TFEC: variants seen among roughly 807,000 people sequenced by gnomAD.
TFEC encodes class E basic helix-loop-helix protein 34.
Under a neutral mutation model 41.6 loss-of-function variants are expected in TFEC, and 31 were observed. The observed-to-expected ratio is 0.74, with a 90% CI of 0.56 to 1.01. TFEC has a LOEUF of 1.01. Ranked by LOEUF, TFEC falls within the 50% of genes least tolerant of loss-of-function variation. TFEC has a pLI of 0.00. For missense variants in TFEC, 402 were observed against 404.1 expected, an observed-to-expected ratio of 0.99 and a Z score of 0.04; for synonymous variants, 143 against 140.6, an observed-to-expected ratio of 1.02 and a Z score of -0.12.
chr7:116,044,008 T>G (rs920070814), intron 3 of TFEC, among the ~76,000 whole-genome samples: 3 of 152,226 alleles, frequency 2.0e-5, no homozygotes, highest in Admixed American at 2.0e-4. Flanking sequence ...TCAGCTGCCA[T>G]GTAATTCTTA....
At chr7:116,034,583 G>T (rs1167788021), upstream of TFEC, among the ~76,000 whole-genome samples, 1 of 151,624 alleles carries the variant, frequency 6.6e-6, no homozygotes, top group African/African-American at 2.4e-5. Flanking sequence ...GCTATTATCT[G>T]AGTCAAAGCT....
In TFEC at chr7:116,146,043, G is replaced by A. The variant is rs557203826; in HGVS notation, c.-69+13747C>T. ...AATTCTGTTTCCAGCAATAATGGAAGACAAGTAATTAAGTGAAAAACCTAC... is the reference window on the plus strand; with the variant it reads ...AATTCTGTTTCCAGCAATAATGGAAAACAAGTAATTAAGTGAAAAACCTAC... On this transcript the variant is annotated intron_variant, in intron 1 of 8. Coordinates refer to the TFEC transcript ENST00000484212. Among the ~76,000 whole-genome samples, 7 of 152,302 alleles carry A rather than the reference G, an allele frequency of 4.6e-5. No individual in the cohort carries two copies. In the South Asian group the frequency reaches 1.5e-3, roughly 32 times the overall value.
chr7:115,984,168 A>C (rs1793746247), intron 2 of TFEC, 94 bp downstream of exon 2: 2 of 1,448,930 alleles, frequency 1.4e-6, no homozygotes. Context: ...ATTTGCAATC[A>C]GAATGTTTAC....
intron 3 of TFEC, among the ~76,000 whole-genome samples, chr7:115,971,372 GA>G (rs374338566): frequency 0.028 from 4,091 of 146,918 alleles, 70 homozygotes; most frequent in Non-Finnish European, 0.039. Flanking sequence ...ATAAAATAAA[GA>G]AAAAAAAAAC....
chr7:115,979,394 C>T (rs1793525860), intron 2 of TFEC, among the ~76,000 whole-genome samples: 1 of 152,006 alleles, frequency 6.6e-6, no homozygotes, highest in Non-Finnish European at 1.5e-5. Context: ...TGGCTAAATG[C>T]CCTACTAGTC....
intron 6 of TFEC, among the ~76,000 whole-genome samples, chr7:115,950,393 G>C (rs912646044): frequency 6.6e-6 from 1 of 152,082 alleles, no homozygotes; most frequent in Non-Finnish European, 1.5e-5. Flanking sequence ...TGTGCATACA[G>C]CACAAAGCCT....
intron 1 of TFEC, among the ~76,000 whole-genome samples, chr7:116,147,737 C>T (rs1193916388): frequency 6.6e-6 from 1 of 152,104 alleles, no homozygotes; most frequent in Non-Finnish European, 1.5e-5. Context: ...GTAATAACTT[C>T]AAAGTACTAA....
chr7:116,123,033 G>GA (rs1239426661), intron 1 of TFEC, among the ~76,000 whole-genome samples: 2 of 151,432 alleles, frequency 1.3e-5, no homozygotes, highest in Non-Finnish European at 1.5e-5. Flanking sequence ...AAATCAAAAA[G>GA]AAAAAAACAG....
At chr7:116,121,762 G>T (rs936729998) in intron 1 of TFEC, among the ~76,000 whole-genome samples, 14 of 151,956 alleles carry the variant, frequency 9.2e-5, no homozygotes, top group Non-Finnish European at 1.5e-4. Flanking sequence ...AGGGAAATAA[G>T]GTAAAAGAAA....
chr7:115,956,739 T>C lies in TFEC; in HGVS notation c.322A>G (p.Asn108Asp). Reference protein sequence around the residue: ...YSGEQGISPINMGLTSASCPS... With the variant: ...YSGEQGISPIDMGLTSASCPS... Reference sequence around the variant, plus strand: ...CAAGAAGCACTTGTAAGCCCCATGTTAATTGGTGAAATTCCTTGTTCACCG... The same window carrying C: ...CAAGAAGCACTTGTAAGCCCCATGTCAATTGGTGAAATTCCTTGTTCACCG... The change falls in exon 4 of 8, where the codon AAC becomes GAC. Residue 108 changes from asparagine (N) to aspartate (D), a missense_variant. Asn to Asp is a conservative substitution (Grantham distance 23). Transcript: ENST00000265440. The C allele has an allele frequency of 6.2e-7, 1 of 1,610,834 alleles. No homozygotes were observed. The highest frequency in any genetic ancestry group is 1.7e-5 in the Admixed American group (1 of 59,770).
At chr7:115,950,604 T>C (rs1791884862) in intron 6 of TFEC, among the ~76,000 whole-genome samples, 1 of 152,100 alleles carries the variant, frequency 6.6e-6, no homozygotes, top group Non-Finnish European at 1.5e-5. Context: ...TTTGACAATA[T>C]TGTCACCATA....
chr7:116,053,454 T>C (rs995470143), intron 3 of TFEC, among the ~76,000 whole-genome samples: 5 of 152,200 alleles, frequency 3.3e-5, no homozygotes, highest in African/African-American at 1.2e-4. Flanking sequence ...CCTTATAGTG[T>C]AGTGTTGATA....
At position 116,126,494 on chromosome 7, in the gene TFEC, T is replaced by A. The variant is rs115634564; in HGVS notation, c.-68-14456A>T. On this transcript the variant is annotated intron_variant, in intron 1 of 8. Coordinates refer to the TFEC transcript ENST00000484212. ...ATTTTTAGAACTGAAGCTCATTAGT[T>A]TCCAGATGGAAAAGGCCATCAAGCA... Among the ~76,000 whole-genome samples, 1,041 of 152,158 alleles carry A rather than the reference T, an allele frequency of 6.8e-3. 10 individuals carry two copies. The highest frequency in any genetic ancestry group is 0.023 in the African/African-American group (971 of 41,536).
At chr7:116,130,997 A>G (rs964303700) in intron 1 of TFEC, among the ~76,000 whole-genome samples, 2 of 152,130 alleles carry the variant, frequency 1.3e-5, no homozygotes, top group Non-Finnish European at 2.9e-5. Context: ...TATACACACA[A>G]ATTTATGTGA....
At chr7:115,980,787 A>C (rs1409871052) in intron 2 of TFEC, among the ~76,000 whole-genome samples, 1 of 151,922 alleles carries the variant, frequency 6.6e-6, no homozygotes, top group Non-Finnish European at 1.5e-5. Flanking sequence ...ACAAAAAAAA[A>C]CAAAAACAAA....
chr7:116,016,490 G>A (rs796275678), intron 1 of TFEC, among the ~76,000 whole-genome samples: 29 of 152,220 alleles, frequency 1.9e-4, no homozygotes, highest in African/African-American at 6.7e-4. Context: ...GCAGTGACTT[G>A]AACAGTGAAT....
intron 3 of TFEC, among the ~76,000 whole-genome samples, chr7:116,071,034 G>T (rs766002297): frequency 6.6e-6 from 1 of 151,194 alleles, no homozygotes; most frequent in Non-Finnish European, 1.5e-5. Context: ...TTAAAGAAAA[G>T]AAAGACAAAG....
intron 1 of TFEC, among the ~76,000 whole-genome samples, chr7:116,127,324 C>A (rs549754003): frequency 7.9e-4 from 121 of 152,224 alleles, no homozygotes; most frequent in Non-Finnish European, 1.4e-3. Flanking sequence ...ACCTCGTAAT[C>A]CCCTTGCCTC....
intron 3 of TFEC, among the ~76,000 whole-genome samples, chr7:116,037,490 A>C (rs1256666891): frequency 2.0e-5 from 3 of 152,006 alleles, no homozygotes; most frequent in African/African-American, 7.2e-5. Context: ...AGAGTTGTTA[A>C]TATTATAATT....
Sources: allele counts gnomAD v4.1 joint callset (sites outside exome capture counted in the v4.1 genomes callset), GRCh38; gene constraint gnomAD v4.1.1; transcripts MANE v1.5; gene names NCBI Gene and HGNC (gene_info 2026-07-23, HGNC 2026-07-21).